ATR: variants seen among roughly 807,000 people sequenced by gnomAD.
ATR encodes the protein serine/threonine-protein kinase ATR.
Under a neutral mutation model 305.3 loss-of-function variants are expected in ATR, and 142 were observed. The observed-to-expected ratio is 0.47, with a 90% CI of 0.41 to 0.53. The LOEUF is 0.53. Ranked by LOEUF, ATR falls within the 20% of genes least tolerant of loss-of-function variation. ATR has a pLI of 0.00. For synonymous variants in ATR, 1,050 were observed against 1,068.1 expected (o/e 0.98, Z 0.33); for missense variants, 2,135 against 3,133.1 (o/e 0.68, Z 7.60).
At chr3:142,569,084 G>T (rs1018114692) in intron 1 of ATR, among the ~76,000 whole-genome samples, 1 of 152,112 alleles carries the variant, frequency 6.6e-6, no homozygotes, top group African/African-American at 2.4e-5. Flanking sequence ...CCAGTTACAC[G>T]GACCACAGCG....
In ATR at chr3:142,566,236, A is replaced by C; in HGVS notation, c.177T>G (p.Thr59=). The C allele has an allele frequency of 1.2e-6, 2 of 1,614,028 alleles. No individual in the cohort carries two copies. The highest frequency in any genetic ancestry group is 2.2e-5 in the East Asian group (1 of 44,874). The part of the protein sequence containing the change: ...NVVAVELVKK[T]DSQPTSVMLL... ...ACATCACGGAGGTTGGCTGAGAGTC[A>C]GTTTTCTTTACAAGTTCTACAGCAA... Residue 59 remains threonine, a synonymous_variant, in exon 3 of 47, where the codon ACT becomes ACG. Coordinates refer to ENST00000350721, the MANE Select transcript of ATR (RefSeq NM_001184.4).
intron 23 of ATR, among the ~76,000 whole-genome samples, chr3:142,521,691 A>C (rs1361953446): frequency 6.6e-6 from 1 of 152,190 alleles, no homozygotes; most frequent in Non-Finnish European, 1.5e-5. Context: ...GATGTGATAA[A>C]AACAGCAAGA....
chr3:142,469,294 G>C (rs746998126), intron 38 of ATR, 43 bp downstream of exon 38: 1 of 1,509,678 alleles, frequency 6.6e-7, no homozygotes, highest in Non-Finnish European at 9.2e-7. Context: ...CATATAAAAT[G>C]GTAAAAGATC....
In ATR at chr3:142,483,017, T is replaced by C. The variant is rs202082428; in HGVS notation, c.6221+2123A>G. The stretch of plus-strand genomic sequence containing the variant: ...TTTTTTTTTTCTTTCTTTCTTTTTT[T>C]TTTTTTGAGACAGGGTCTTGCTCTG... On this transcript the variant is annotated intron_variant, in intron 36 of 46. Coordinates refer to ENST00000350721, the MANE Select transcript of ATR (RefSeq NM_001184.4). Among the ~76,000 whole-genome samples, 5 of 150,102 alleles carry C rather than the reference T, an allele frequency of 3.3e-5. No individual in the cohort carries two copies. The East Asian group carries it at 9.7e-4, about 29-fold the overall frequency.
intron 5 of ATR, 101 bp from the exon 6 acceptor site, chr3:142,560,555 T>C (rs2034840416): frequency 1.6e-6 from 2 of 1,213,798 alleles, no homozygotes; most frequent in Non-Finnish European, 2.3e-6. Flanking sequence ...ATATCAACTA[T>C]TCAAAAAAAT....
At chr3:142,455,339 A>G (rs906731312) in intron 45 of ATR, among the ~76,000 whole-genome samples, 2 of 152,202 alleles carry the variant, frequency 1.3e-5, no homozygotes, top group African/African-American at 4.8e-5. Flanking sequence ...AATACTCCCA[A>G]ATTGTTAAGA....
chr3:142,575,626 A>G (rs539286903), intron 1 of ATR, among the ~76,000 whole-genome samples: 49 of 152,310 alleles, frequency 3.2e-4, no homozygotes, highest in African/African-American at 1.2e-3. Context: ...CCACTGTTCC[A>G]TTTAACATTT....
At chr3:142,574,345 C>CCAGCTACTTG (rs2035368285) in intron 1 of ATR, among the ~76,000 whole-genome samples, 1 of 151,354 alleles carries the variant, frequency 6.6e-6, no homozygotes. Context: ...ACCTGTAGTC[C>CCAGCTACTTG]CAGCTACTTG....
chr3:142,507,002 C>T (rs912756238), intron 28 of ATR, among the ~76,000 whole-genome samples: 3 of 152,062 alleles, frequency 2.0e-5, no homozygotes, highest in South Asian at 2.1e-4. Flanking sequence ...GTTTGACAAA[C>T]GGAGTACAAC....
chr3:142,572,073 T>C (rs1199702769), intron 1 of ATR, among the ~76,000 whole-genome samples: 3 of 147,490 alleles, frequency 2.0e-5, no homozygotes, highest in Non-Finnish European at 4.5e-5. Flanking sequence ...GCCCTTTTTC[T>C]TTTTTTTTTC....
chr3:142,545,402 G>C (rs1364479202), intron 16 of ATR, among the ~76,000 whole-genome samples: 2 of 152,020 alleles, frequency 1.3e-5, no homozygotes, highest in African/African-American at 4.8e-5. Flanking sequence ...AGGTCTCGAA[G>C]CAGGAAAAAG....
chr3:142,532,207 A>G (rs377502447), intron 21 of ATR, among the ~76,000 whole-genome samples: 2 of 152,368 alleles, frequency 1.3e-5, no homozygotes, highest in East Asian at 3.9e-4. Context: ...TGGGAGCTGT[A>G]GACTGGAGCT....
At chr3:142,570,481 G>A (rs2035224560) in intron 1 of ATR, among the ~76,000 whole-genome samples, 1 of 152,122 alleles carries the variant, frequency 6.6e-6, no homozygotes, top group Non-Finnish European at 1.5e-5. Context: ...CCGCCTCCTG[G>A]GTTCAAGCGA....
Position 142,503,466 on chromosome 3 carries a change from A to T in ATR, c.5197-13T>A, listed in dbSNP as rs764473307. ...GATAATGAATGATCTAGAAATTTAA[A>T]AATATTTAAAATAGCAATTATCACT... On this transcript the variant is annotated splice_polypyrimidine_tract_variant and intron_variant, in intron 29 of 46. Transcript: ENST00000350721. 5.3e-6 allele frequency: 8 copies of T among 1,511,004 alleles called. No homozygotes were observed. Among genetic ancestry groups the T allele is most frequent in the Non-Finnish European group, 7.3e-6 (8 of 1,092,070 alleles). 93.6% of individuals were successfully genotyped at this position (1,511,004 alleles called of 1,614,324 possible).
intron 34 of ATR, 130 bp from the exon 35 acceptor site, chr3:142,493,441 TATTAA>T: frequency 9.3e-7 from 1 of 1,075,296 alleles, no homozygotes; most frequent in South Asian, 1.7e-5. Flanking sequence ...ACTTGCCTCT[TATTAA>T]AGTAAAATTC....
At chr3:142,515,611 T>A (rs2032827067) in intron 24 of ATR, 96 bp from the exon 25 acceptor site, 1 of 1,323,084 alleles carries the variant, frequency 7.6e-7, no homozygotes, top group African/African-American at 1.5e-5. Context: ...ACCTCAGTAC[T>A]GCCTTGCCTT....
At chr3:142,543,579 CTTTT>C (rs948959992) in intron 16 of ATR, among the ~76,000 whole-genome samples, 2 of 151,136 alleles carry the variant, frequency 1.3e-5, no homozygotes, top group African/African-American at 4.9e-5. Context: ...CTCCCTCTTT[CTTTT>C]TCTTTCTTTC....
At position 142,519,788 on chromosome 3, in the gene ATR, C is replaced by G. The variant is rs2033063425; in HGVS notation, c.4267-4G>C. The G allele has an allele frequency of 6.3e-7, 1 of 1,577,252 alleles. No individual in the cohort carries two copies. Among genetic ancestry groups the G allele is most frequent in the Non-Finnish European group, 8.7e-7 (1 of 1,146,528 alleles). ...AGTCATAAATAGAAAGCAACTCCTA[C>G]AAATACATATTTTACATTTGTAAGT... On this transcript the variant is annotated splice_region_variant and splice_polypyrimidine_tract_variant and intron_variant, in intron 23 of 46. Transcript: ENST00000350721.
chr3:142,450,423 G>C, intron 46 of ATR: 1 of 1,590,724 alleles, frequency 6.3e-7, no homozygotes, highest in South Asian at 1.1e-5. Flanking sequence ...CTTGTGACAA[G>C]TTTAGCTCAT....
Sources: gnomAD v4.1 joint callset for allele counts (sites outside exome capture counted in the v4.1 genomes callset) on GRCh38, gnomAD v4.1.1 for gene constraint, MANE v1.5 for transcripts, NCBI Gene and HGNC (gene_info 2026-07-23, HGNC 2026-07-21) for gene names.